The following PRDM7 variants were observed in gnomAD, a reference collection of about 807,000 sequenced individuals.
PRDM7 encodes the protein PR/SET domain 7, also known as histone-lysine N-methyltransferase PRDM7.
Under a neutral mutation model 64.3 loss-of-function variants are expected in PRDM7, and 52 were observed. The observed-to-expected ratio is 0.81, with a 90% CI of 0.65 to 1.02. The LOEUF is 1.02. Among genes scored for constraint, PRDM7 ranks in the 50% least tolerant of loss-of-function variants. The probability of loss-of-function intolerance (pLI) is 0.00; values close to 1 mark genes in which losing one functional copy is unlikely to be tolerated. For missense variants in PRDM7, 574 were observed against 597.1 expected (o/e 0.96, Z 0.40); for synonymous variants, 192 against 210.1 (o/e 0.91, Z 0.74).
In PRDM7 at chr16:90,075,892, G is replaced by C; in HGVS notation, c.19C>G (p.Gln7Glu). Residue 7 changes from glutamine to glutamate, a missense_variant, in exon 2 of 11, where the codon CAA becomes GAA. By Grantham distance (29) the Gln-to-Glu change is conservative. Coordinates refer to ENST00000449207, the MANE Select transcript of PRDM7 (RefSeq NM_001098173.2). The surrounding 1 kb of genome is among the most constrained non-coding windows in gnomAD (Gnocchi z 4.3). ...GTGTCTCCTTCTGGGCTCTCCTCTT[G>C]GGACCTTTCAGGGCTCATGGTGCTG... Reference protein sequence around the residue: MSPERSQEESPEGDTER... With the variant: MSPERSEEESPEGDTER... 6.2e-7 allele frequency: 1 copy of C among 1,613,980 alleles called. No individual in the cohort carries two copies. Among genetic ancestry groups the C allele is most frequent in the East Asian group, 2.2e-5 (1 of 44,870 alleles).
intron 10 of PRDM7, among the ~76,000 whole-genome samples, chr16:90,058,839 C>T (rs2037722544): frequency 6.6e-6 from 1 of 152,192 alleles, no homozygotes. Context: ...TGACCTTTCC[C>T]CCATGCCACA....
chr16:90,073,785 T>G (rs1030703161), intron 4 of PRDM7, among the ~76,000 whole-genome samples: 2 of 150,434 alleles, frequency 1.3e-5, no homozygotes, highest in South Asian at 4.2e-4. Context: ...GGAGGTCACT[T>G]TTTTTTCCCC....
Position 90,075,792 on chromosome 16 carries a change from C to T in PRDM7, c.69+50G>A. 1 of 1,591,736 alleles carries T rather than the reference C, an allele frequency of 6.3e-7. No individual in the cohort carries two copies. Among genetic ancestry groups the T allele is most frequent in the Non-Finnish European group, 8.6e-7 (1 of 1,164,044 alleles). On this transcript the variant is annotated intron_variant, in intron 2 of 10. Coordinates refer to ENST00000449207, the MANE Select transcript of PRDM7 (RefSeq NM_001098173.2). The surrounding 1 kb of genome is among the most constrained non-coding windows in gnomAD (Gnocchi z 4.3). The stretch of plus-strand genomic sequence containing the variant: ...TACAGGCCAGGAGTCTGCAGCACTC[C>T]AGAGATCAGCTCCTGCTGGGAGTCT...
Position 90,058,539 on chromosome 16 carries a change from A to G in PRDM7, c.1234-5T>C. On this transcript the variant is annotated splice_polypyrimidine_tract_variant and splice_region_variant and intron_variant, in intron 10 of 10. Coordinates refer to ENST00000449207, the MANE Select transcript of PRDM7 (RefSeq NM_001098173.2). ...GATGGATCTCTGGCTTTGGTTCTGA[A>G]AGAGGAAGTTTTTGGTCAGGGTAGA... The G allele has an allele frequency of 6.2e-7, 1 of 1,614,088 alleles. No individual in the cohort carries two copies. Among genetic ancestry groups the G allele is most frequent in the Non-Finnish European group, 8.5e-7 (1 of 1,179,968 alleles).
At chr16:90,068,295 T>C (rs1380617764) in intron 4 of PRDM7, among the ~76,000 whole-genome samples, 1 of 143,552 alleles carries the variant, frequency 7.0e-6, no homozygotes, top group Non-Finnish European at 1.5e-5. Context: ...TAAATAAAAA[T>C]AAAAAATAAA....
In PRDM7 at chr16:90,061,608, C is replaced by A. The variant is rs1023259018; in HGVS notation, c.883-89G>T. ...CCACGGTCATCAATGGCCTTTGGACCTGCAGAGCTTCAACTGCCAACTGAG... is the reference window on the plus strand; with the variant it reads ...CCACGGTCATCAATGGCCTTTGGACATGCAGAGCTTCAACTGCCAACTGAG... On this transcript the variant is annotated intron_variant, in intron 8 of 10. Coordinates refer to ENST00000449207, the MANE Select transcript of PRDM7 (RefSeq NM_001098173.2). The A allele has an allele frequency of 2.1e-6, 3 of 1,460,546 alleles. No homozygotes were observed. In the African/African-American group the frequency reaches 4.2e-5, roughly 20 times the overall value. 90.5% of individuals were successfully genotyped at this position (1,460,546 alleles called of 1,614,324 possible).
chr16:90,061,849 A>C, intron 8 of PRDM7, 72 bp downstream of exon 8: 1 of 1,596,444 alleles, frequency 6.3e-7, no homozygotes, highest in South Asian at 1.1e-5. Context: ...AACATGTAGA[A>C]GGTGATGTCC....
At chr16:90,059,323 C>T (rs9935461) in intron 10 of PRDM7, among the ~76,000 whole-genome samples, 14,702 of 152,190 alleles carry the variant, frequency 0.097, 950 homozygotes, top group African/African-American at 0.19. Context: ...GTATTCATGT[C>T]TGAGTTATTT....
Position 90,075,460 on chromosome 16 carries a change from G to C in PRDM7, c.84C>G (p.Phe28Leu). The C allele has an allele frequency of 5.6e-6, 9 of 1,614,132 alleles. No individual in the cohort carries two copies. The highest frequency in any genetic ancestry group is 7.6e-6 in the Non-Finnish European group (9 of 1,180,024). Residue 28 changes from phenylalanine to leucine, a missense_variant, in exon 3 of 11, where the codon TTC becomes TTG. Phe to Leu is a conservative substitution (Grantham distance 22, BLOSUM62 0). Coordinates refer to ENST00000449207, the MANE Select transcript of PRDM7 (RefSeq NM_001098173.2). The surrounding 1 kb of genome is among the most constrained non-coding windows in gnomAD (Gnocchi z 4.3). ...TGGTGAAGTATATGGAAATGTCTTT[G>C]AAGGCATCTTTGACCTAGAGGAAGT... is the stretch of plus-strand genomic sequence containing the variant. Reference protein sequence around the residue: ...TERKPMVKDAFKDISIYFTKE... With the variant: ...TERKPMVKDALKDISIYFTKE...
At position 90,063,847 on chromosome 16, in the gene PRDM7, A is replaced by G. The variant is rs2037825865; in HGVS notation, c.352-79T>C. On this transcript the variant is annotated intron_variant, in intron 5 of 10. Coordinates refer to ENST00000449207, the MANE Select transcript of PRDM7 (RefSeq NM_001098173.2). ...ACGGCTTGCAACATGTTTTCATATG[A>G]CTGTAGTTAATGTTCAAACCTTGGA... is the stretch of plus-strand genomic sequence containing the variant. The G allele has an allele frequency of 3.3e-6, 5 of 1,523,934 alleles. No homozygotes were observed. In the East Asian group the frequency reaches 1.2e-4, roughly 35 times the overall value. 94.4% of individuals were successfully genotyped at this position (1,523,934 alleles called of 1,614,324 possible). A position where few individuals can be genotyped will look rare whatever the true frequency, so the allele number is the denominator to read the frequency against.
intron 4 of PRDM7, among the ~76,000 whole-genome samples, chr16:90,070,726 T>C (rs4636910): frequency 0.62 from 93,429 of 151,516 alleles, 31,608 homozygotes; most frequent in Middle Eastern, 0.83. Flanking sequence ...GAGCCCTCAC[T>C]GGAACCCAAC....
chr16:90,057,669 A>C lies in PRDM7; in HGVS notation c.*620T>G. On this transcript the variant is annotated 3_prime_UTR_variant, in exon 11 of 11. Coordinates refer to ENST00000449207, the MANE Select transcript of PRDM7 (RefSeq NM_001098173.2). ...CTGTTCTTCCTCAACTCTAGTCATG[A>C]AAGTGGCGGATTTGTTTAATTAGTT... The C allele has an allele frequency of 2.6e-6, 3 of 1,135,482 alleles. No individual in the cohort carries two copies. Among genetic ancestry groups the C allele is most frequent in the Non-Finnish European group, 3.4e-6 (3 of 895,270 alleles). The allele number at this position is 1,135,482 out of a possible 1,614,324, so 70.3% of individuals were successfully genotyped here. A position where few individuals can be genotyped will look rare whatever the true frequency, so the allele number is the denominator to read the frequency against.
chr16:90,068,315 AT>A (rs1298387650), intron 4 of PRDM7, among the ~76,000 whole-genome samples: 1 of 149,844 alleles, frequency 6.7e-6, no homozygotes, highest in Non-Finnish European at 1.5e-5. Flanking sequence ...AACTATAAAG[AT>A]TTTACCAAAA....
intron 4 of PRDM7, among the ~76,000 whole-genome samples, chr16:90,071,895 A>T (rs2037962675): frequency 6.6e-6 from 1 of 152,158 alleles, no homozygotes; most frequent in Admixed American, 6.5e-5. Context: ...TATATAATAT[A>T]TTAAAAAGAA....
At position 90,071,408 on chromosome 16, in the gene PRDM7, C is replaced by T. The variant is rs532087859; in HGVS notation, c.301+3508G>A. Among the ~76,000 whole-genome samples the T allele has an allele frequency of 1.4e-3, 215 of 152,282 alleles. 1 individual carries two copies. The highest frequency in any genetic ancestry group is 5.0e-3 in the African/African-American group (208 of 41,546). ...CCTACCAAAGTGCTGGGATTACAGG[C>T]GTGAGCCACTGTGCCTGGCCCAGAG... On this transcript the variant is annotated intron_variant, in intron 4 of 10. Coordinates refer to ENST00000449207, the MANE Select transcript of PRDM7 (RefSeq NM_001098173.2).
At chr16:90,060,720 G>T in intron 9 of PRDM7, 97 bp from the exon 10 acceptor site, 2 of 1,548,198 alleles carry the variant, frequency 1.3e-6, no homozygotes, top group Non-Finnish European at 1.8e-6. Flanking sequence ...CTTCCCTGCT[G>T]TGCCTAATCA....
At chr16:90,067,651 C>G (rs1188891328) in intron 4 of PRDM7, among the ~76,000 whole-genome samples, 1 of 133,528 alleles carries the variant, frequency 7.5e-6, no homozygotes, top group African/African-American at 2.9e-5. Flanking sequence ...AGTGCAGGGG[C>G]GCGAGGTCGG....
rs781531795 is a variant in PRDM7, at chr16:90,061,953, C to G, written c.850G>C (p.Glu284Gln). Residue 284 changes from glutamate (E) to glutamine (Q), a missense_variant, in exon 8 of 11, where the codon GAA becomes CAA. Transcript: ENST00000449207. ...GAATATCCACTGTTGGCTGCCTCTT[C>G]GTCTTCTGTAATTCGGCCCTCATAG... ...GPYEGRITEDEEAANSGYSWL... is the reference protein window; with the variant it reads ...GPYEGRITEDQEAANSGYSWL... The G allele has an allele frequency of 6.2e-7, 1 of 1,614,140 alleles. No homozygotes were observed. The highest frequency in any genetic ancestry group is 8.5e-7 in the Non-Finnish European group (1 of 1,180,060).
chr16:90,072,342 C>A (rs1250704101), intron 4 of PRDM7, among the ~76,000 whole-genome samples: 1 of 151,978 alleles, frequency 6.6e-6, no homozygotes, highest in Non-Finnish European at 1.5e-5. Context: ...CATCCATTGA[C>A]AAATGAATGG....
Sources: gnomAD v4.1 joint callset for allele counts (sites outside exome capture counted in the v4.1 genomes callset) on GRCh38, gnomAD v4.1.1 for gene constraint, Gnocchi (gnomAD v3.1) non-coding constraint, MANE v1.5 for transcripts, NCBI Gene and HGNC (gene_info 2026-07-23, HGNC 2026-07-21) for gene names.